DUSP19: variants seen among roughly 807,000 people sequenced by gnomAD.
DUSP19 encodes the protein dual specificity protein phosphatase 19.
In DUSP19, 14 loss-of-function variants were observed where a neutral mutation model predicts 16.6. The observed-to-expected ratio is 0.84, with a 90% confidence interval of 0.56 to 1.32. The LOEUF is 1.32. Ranked by LOEUF, DUSP19 falls within the 40% of genes most tolerant of loss-of-function variation. The pLI, the probability that DUSP19 is intolerant of heterozygous loss-of-function variation, is 0.00. For missense variants in DUSP19, 258 were observed against 255.9 expected, an observed-to-expected ratio of 1.01 and a Z score of -0.06; for synonymous variants, 81 against 90.5, an observed-to-expected ratio of 0.90 and a Z score of 0.59.
rs550998725 is a variant in DUSP19 at position 183,081,016 on chromosome 2, G to A, written c.226+1857G>A. 1.8e-4 allele frequency among the ~76,000 whole-genome samples: 27 copies of A among 152,264 alleles called. No individual in the cohort carries two copies. In the Middle Eastern group the frequency reaches 0.01, roughly 58 times the overall value. On this transcript the variant is annotated intron_variant, in intron 1 of 3. Coordinates refer to ENST00000354221, the MANE Select transcript of DUSP19 (RefSeq NM_080876.4). ...AGAGCTTCTTTCACCTCCTCAAAGC[G>A]ACACAGCTTCCTCCCAGCATCGCAT...
At position 183,092,699 on chromosome 2, in the gene DUSP19, G is replaced by GTTT. The variant is rs781697293; in HGVS notation, c.427-2712_427-2710dup. 1.5e-3 allele frequency among the ~76,000 whole-genome samples: 177 copies of GTTT among 119,112 alleles called. 1 individual carries two copies. The highest frequency in any genetic ancestry group is 4.4e-3 in the Middle Eastern group (1 of 226). The allele number at this position is 119,112 out of a possible 152,430, so 78.1% of individuals were successfully genotyped here. The stretch of plus-strand genomic sequence containing the variant: ...TATTATGAATAGTGCTTCTGCCCAA[G>GTTT]TTTTTTTTTTTTTTTTTTTTTTGAG... On this transcript the variant is annotated intron_variant, in intron 3 of 3. Coordinates refer to ENST00000354221, the MANE Select transcript of DUSP19 (RefSeq NM_080876.4).
At chr2:183,082,413 A>AT (rs1699603481) in intron 1 of DUSP19, among the ~76,000 whole-genome samples, 2 of 125,344 alleles carry the variant, frequency 1.6e-5, no homozygotes, top group African/African-American at 6.4e-5. Flanking sequence ...CATTGAGAAC[A>AT]TTTTTCTTTT....
At position 183,078,947 on chromosome 2, in the gene DUSP19, A is replaced by G. The variant is rs1435839924; in HGVS notation, c.14A>G (p.Asn5Ser). ...ACTGCTCATGTAATGTACTCCCTTA[A>G]CCAGGAAATTAAAGCATTCTCCCGG... The part of the protein sequence containing the change: MYSL[N>S]QEIKAFSRNN... Residue 5 changes from asparagine to serine, a missense_variant, in exon 1 of 4, where the codon AAC becomes AGC. Coordinates refer to ENST00000354221, the MANE Select transcript of DUSP19 (RefSeq NM_080876.4). 10 of 1,614,064 alleles carry G rather than the reference A, an allele frequency of 6.2e-6. No homozygotes were observed. Among genetic ancestry groups the G allele is most frequent in the Non-Finnish European group, 7.6e-6 (9 of 1,179,994 alleles).
At chr2:183,089,980 G>T (rs1699712166) in intron 3 of DUSP19, among the ~76,000 whole-genome samples, 1 of 152,052 alleles carries the variant, frequency 6.6e-6, no homozygotes, top group Non-Finnish European at 1.5e-5. Flanking sequence ...TGCCATGTTG[G>T]CCAGGATGGT....
intron 3 of DUSP19, among the ~76,000 whole-genome samples, chr2:183,092,980 G>C (rs1699752064): frequency 6.6e-6 from 1 of 152,166 alleles, no homozygotes; most frequent in Non-Finnish European, 1.5e-5. Flanking sequence ...GGGATTACAG[G>C]TGTGAGCCAC....
At chr2:183,088,085 G>A (rs1699684504) in intron 3 of DUSP19, among the ~76,000 whole-genome samples, 2 of 152,176 alleles carry the variant, frequency 1.3e-5, no homozygotes, top group Admixed American at 6.5e-5. Flanking sequence ...ATATATGATG[G>A]TGGTTCCATA....
At chr2:183,079,725 C>A (rs1699568330) in intron 1 of DUSP19, among the ~76,000 whole-genome samples, 1 of 152,094 alleles carries the variant, frequency 6.6e-6, no homozygotes, top group Admixed American at 6.6e-5. Context: ...AAATACTGAG[C>A]CCCTATACAA....
At chr2:183,095,305 G>A (rs2675070) in intron 3 of DUSP19, 126 bp from the exon 4 acceptor site, 80,091 of 778,640 alleles carry the variant, frequency 0.1, 4,771 homozygotes, top group African/African-American at 0.13. Flanking sequence ...CAAATAAATT[G>A]AATCAAATAA....
chr2:183,080,664 A>G lies in DUSP19; in HGVS notation c.226+1505A>G, dbSNP rs190064104. On this transcript the variant is annotated intron_variant, in intron 1 of 3. Transcript: ENST00000354221. ...GTCTTCATGAACTTTGCTTATTACT[A>G]TTATTTGTGGACTTACCCAAAGTGA... 6.0e-4 allele frequency among the ~76,000 whole-genome samples: 91 copies of G among 152,276 alleles called. 1 individual carries two copies. The East Asian group carries it at 8.5e-3, about 14-fold the overall frequency.
intron 3 of DUSP19, among the ~76,000 whole-genome samples, chr2:183,092,782 C>A (rs1489769734): frequency 6.7e-6 from 1 of 149,102 alleles, no homozygotes; most frequent in Non-Finnish European, 1.5e-5. Flanking sequence ...CAGCTCACTG[C>A]AACTTCCGCC....
In DUSP19 at chr2:183,078,865, A is replaced by G. The variant is rs1699553049; in HGVS notation, c.-69A>G. ...GGCTTTGTTACCTGGGCAATAAGGG[A>G]CTAGCAGTTCAGCCGTTTTCTATGC... On this transcript the variant is annotated 5_prime_UTR_variant, in exon 1 of 4. Transcript: ENST00000354221. 1 of 1,426,598 alleles carries G rather than the reference A, an allele frequency of 7.0e-7. No individual in the cohort carries two copies. The highest frequency in any genetic ancestry group is 1.9e-5 in the Admixed American group (1 of 53,480). 88.4% of individuals were successfully genotyped at this position (1,426,598 alleles called of 1,614,324 possible).
intron 1 of DUSP19, among the ~76,000 whole-genome samples, chr2:183,082,809 T>TGTTC (rs199596258): frequency 7.3e-5 from 11 of 150,956 alleles, no homozygotes; most frequent in South Asian, 4.2e-4. Context: ...CCTTCCCTTT[T>TGTTC]GTTCGTTCGT....
intron 3 of DUSP19, among the ~76,000 whole-genome samples, chr2:183,092,432 G>A (rs564168758): frequency 2.0e-5 from 3 of 151,960 alleles, no homozygotes; most frequent in South Asian, 2.1e-4. Context: ...GTGTTGTTCC[G>A]CTCCATGTGT....
In DUSP19 at chr2:183,097,722, A is replaced by T. The variant is rs546780563; in HGVS notation, c.*2064A>T. On this transcript the variant is annotated 3_prime_UTR_variant, in exon 4 of 4. Coordinates refer to ENST00000354221, the MANE Select transcript of DUSP19 (RefSeq NM_080876.4). ...TGTATAGGTTCTCTCTATGGTCAGT[A>T]TCACTGGATAAGCCTTCTCCTTTCA... 1 of 152,228 alleles carries T rather than the reference A, an allele frequency of 6.6e-6. No individual in the cohort carries two copies. Among genetic ancestry groups the T allele is most frequent in the Non-Finnish European group, 1.5e-5 (1 of 68,040 alleles). 9.4% of individuals were successfully genotyped at this position (152,228 alleles called of 1,614,324 possible).
chr2:183,095,354 G>C, intron 3 of DUSP19, 77 bp from the exon 4 acceptor site: 1 of 1,130,554 alleles, frequency 8.8e-7, no homozygotes, highest in Non-Finnish European at 1.3e-6. Flanking sequence ...CTTTCAAGTA[G>C]TATAAGAATG....
Position 183,095,614 on chromosome 2 carries a change from A to G in DUSP19, c.610A>G (p.Lys204Glu). The G allele has an allele frequency of 6.2e-7, 1 of 1,614,120 alleles. No homozygotes were observed. The highest frequency in any genetic ancestry group is 8.5e-7 in the Non-Finnish European group (1 of 1,179,966). The part of the protein sequence containing the change: ...MEQLRTYQEG[K>E]ESNKCDRIQE... Reference sequence around the variant, plus strand: ...GCAGCTTCGTACATATCAAGAGGGCAAAGAAAGCAATAAGTGTGACAGAAT... The same window carrying G: ...GCAGCTTCGTACATATCAAGAGGGCGAAGAAAGCAATAAGTGTGACAGAAT... The change falls in exon 4 of 4, where the codon AAA becomes GAA. Residue 204 changes from lysine to glutamate, a missense_variant. Transcript: ENST00000354221.
Position 183,095,895 on chromosome 2 carries a change from A to C in DUSP19, c.*237A>C, listed in dbSNP as rs1699794548. On this transcript the variant is annotated 3_prime_UTR_variant, in exon 4 of 4. Transcript: ENST00000354221. ...ATGCTTTTTTAAATTGCTAAGGGAA[A>C]ATAACAAAGTGTTAGTAATCATTGC... 1 of 303,638 alleles carries C rather than the reference A, an allele frequency of 3.3e-6. No individual in the cohort carries two copies. The highest frequency in any genetic ancestry group is 4.8e-5 in the Admixed American group (1 of 20,910). 18.8% of individuals were successfully genotyped at this position (303,638 alleles called of 1,614,324 possible). A position where few individuals can be genotyped will look rare whatever the true frequency, so the allele number is the denominator to read the frequency against.
chr2:183,087,352 G>A (rs776030562), intron 3 of DUSP19, among the ~76,000 whole-genome samples, 160 bp downstream of exon 3: 1 of 152,054 alleles, frequency 6.6e-6, no homozygotes, highest in East Asian at 1.9e-4. Context: ...TTGGTTAATT[G>A]CTCTTTTTTC....
chr2:183,095,202 C>T (rs1345539224), intron 3 of DUSP19, among the ~76,000 whole-genome samples: 1 of 152,076 alleles, frequency 6.6e-6, no homozygotes, highest in Non-Finnish European at 1.5e-5. Flanking sequence ...TAAAGCATTT[C>T]AATCATGGGT....
Sources: gnomAD v4.1 joint callset for allele counts (sites outside exome capture counted in the v4.1 genomes callset) on GRCh38, gnomAD v4.1.1 for gene constraint, MANE v1.5 for transcripts, NCBI Gene and HGNC (gene_info 2026-07-23, HGNC 2026-07-21) for gene names.